Variants in CCDC88A observed in about 807,000 individuals in gnomAD.
CCDC88A encodes girdin.
A neutral mutation model predicts 234.3 loss-of-function variants in CCDC88A; 54 were observed. The ratio of observed to expected loss-of-function variants is 0.23; its 90% CI spans 0.19 to 0.29. The LOEUF is 0.29. Among genes scored for constraint, CCDC88A ranks in the 10% least tolerant of loss-of-function variants. The pLI is 1.00. For missense variants in CCDC88A, 1,832 were observed against 2,123.4 expected (o/e 0.86, Z 2.70); for synonymous variants, 753 against 737.8 (o/e 1.02, Z -0.33).
At position 55,384,324 on chromosome 2, in the gene CCDC88A, C is replaced by CAA. The variant is rs112541690; in HGVS notation, c.273+4452_273+4453dup. 7.4e-4 allele frequency among the ~76,000 whole-genome samples: 98 copies of CAA among 133,210 alleles called. 1 individual carries two copies. The highest frequency in any genetic ancestry group is 1.2e-3 in the South Asian group (5 of 4,304). The allele number at this position is 133,210 out of a possible 152,430, so 87.4% of individuals were successfully genotyped here. A position where few individuals can be genotyped will look rare whatever the true frequency, so the allele number is the denominator to read the frequency against. On this transcript the variant is annotated intron_variant, in intron 3 of 32. Transcript: ENST00000436346. ...TGGGTGACAGAGCAAAACTCCATCT[C>CAA]AAAAAAAAAAAAAATCCAGAAGTGT...
At chr2:55,401,751 C>T (rs2104946046) in intron 2 of CCDC88A, among the ~76,000 whole-genome samples, 1 of 151,780 alleles carries the variant, frequency 6.6e-6, no homozygotes, top group East Asian at 1.9e-4. Flanking sequence ...CACAGCCTTT[C>T]ATGTTTTTGT....
chr2:55,377,451 C>T (rs954519395), intron 3 of CCDC88A, among the ~76,000 whole-genome samples: 2 of 143,514 alleles, frequency 1.4e-5, no homozygotes, highest in African/African-American at 5.2e-5. Flanking sequence ...GGCCACCGTG[C>T]CCAGCGAGAT....
intron 23 of CCDC88A, among the ~76,000 whole-genome samples, chr2:55,310,046 G>C (rs1345260827): frequency 6.6e-6 from 1 of 152,136 alleles, no homozygotes; most frequent in East Asian, 1.9e-4. Flanking sequence ...GCCATTATTA[G>C]ATAGGCTGAA....
In CCDC88A at chr2:55,302,742, C is replaced by A. The variant is rs1450878586; in HGVS notation, c.4471+327G>T. 3 of 172,666 alleles carry A rather than the reference C, an allele frequency of 1.7e-5. No homozygotes were observed. In the East Asian group the frequency reaches 4.4e-4, roughly 26 times the overall value. The allele number at this position is 172,666 out of a possible 1,614,324, so 10.7% of individuals were successfully genotyped here. On this transcript the variant is annotated intron_variant, in intron 26 of 32. Transcript: ENST00000436346. ...CTAATGCTAAACATTTTGTTATATT[C>A]TTCTTAAGTAAACTTCTTTGGGAAA...
At chr2:55,294,091 A>G (rs977087382) in intron 31 of CCDC88A, 1 of 218,514 alleles carries the variant, frequency 4.6e-6, no homozygotes, top group Non-Finnish European at 7.7e-6. Flanking sequence ...TAATAGATTA[A>G]TTATAGAAGT....
intron 8 of CCDC88A, among the ~76,000 whole-genome samples, chr2:55,354,086 A>G (rs906378112): frequency 1.3e-5 from 2 of 152,192 alleles, no homozygotes; most frequent in Admixed American, 6.5e-5. Context: ...GTTTTTAAAC[A>G]TATCTAAACA....
chr2:55,355,617 T>C lies in CCDC88A; in HGVS notation c.762A>G (p.Ala254=). ...GCCTTCTTATCTTGGCTTTAGCATC[T>C]GCCAGTTCCACCGACAGATGTTGTC... is the stretch of plus-strand genomic sequence containing the variant. ...ESRQHLSVEL[A]DAKAKIRRLR... The change falls in exon 8 of 33, where the codon GCA becomes GCG. Residue 254 remains alanine, a synonymous_variant. Coordinates refer to ENST00000436346, the MANE Select transcript of CCDC88A (RefSeq NM_001365480.1). 13 of 1,614,172 alleles carry C rather than the reference T, an allele frequency of 8.1e-6. No homozygotes were observed. Among genetic ancestry groups the C allele is most frequent in the Non-Finnish European group, 1.1e-5 (13 of 1,179,994 alleles).
chr2:55,363,771 G>C, intron 6 of CCDC88A, 179 bp downstream of exon 6: 1 of 475,822 alleles, frequency 2.1e-6, no homozygotes. Flanking sequence ...GTAGTTAACA[G>C]TGTGCCAAGT....
At chr2:55,301,346 C>G in intron 27 of CCDC88A, 69 bp from the exon 28 acceptor site, 1 of 794,506 alleles carries the variant, frequency 1.3e-6, no homozygotes, top group Non-Finnish European at 2.0e-6. Flanking sequence ...ATTTTATTTA[C>G]ATAGAATATG....
rs983367737 is a variant in CCDC88A at position 55,289,789 on chromosome 2, G to A, written c.*1411C>T. The A allele has an allele frequency of 6.6e-6, 1 of 151,870 alleles. No individual in the cohort carries two copies. The highest frequency in any genetic ancestry group is 2.4e-5 in the African/African-American group (1 of 41,360). 9.4% of individuals were successfully genotyped at this position (151,870 alleles called of 1,614,324 possible). ...AGGGAGAGAGAAAGAGAGAGAGAGA[G>A]AGAGAGAGAGAGAGACTTTTCTTAT... On this transcript the variant is annotated 3_prime_UTR_variant, in exon 33 of 33. Transcript: ENST00000436346.
chr2:55,306,782 G>T (rs898409591), intron 25 of CCDC88A, among the ~76,000 whole-genome samples: 6 of 152,004 alleles, frequency 3.9e-5, no homozygotes, highest in African/African-American at 1.5e-4. Context: ...CACCATGTTG[G>T]CCAGACTGGT....
chr2:55,317,285 G>T lies in CCDC88A; in HGVS notation c.3667C>A (p.Gln1223Lys). The T allele has an allele frequency of 6.4e-7, 1 of 1,552,176 alleles. No homozygotes were observed. The highest frequency in any genetic ancestry group is 8.7e-7 in the Non-Finnish European group (1 of 1,145,270). The change falls in exon 21 of 33, where the codon CAG becomes AAG. Residue 1223 changes from glutamine to lysine, a missense_variant. Physicochemically the swap from Gln to Lys is moderately conservative, Grantham distance 53. Transcript: ENST00000436346. The surrounding 1 kb of genome is among the most constrained non-coding windows in gnomAD (Gnocchi z 4.2). Reference sequence around the variant, plus strand: ...TTATTTTCAAGCAGCATTTTTTCCTGTTCTACTTTGAGCATTTTTTCCAAA... The same window carrying T: ...TTATTTTCAAGCAGCATTTTTTCCTTTTCTACTTTGAGCATTTTTTCCAAA... ...EDLEKMLKVE[Q>K]EKMLLENKNH...
intron 13 of CCDC88A, among the ~76,000 whole-genome samples, chr2:55,337,990 T>C (rs915905807): frequency 3.3e-5 from 5 of 152,210 alleles, no homozygotes; most frequent in Admixed American, 1.3e-4. Flanking sequence ...TCACATTACA[T>C]AGATGGAAAT....
rs114731908 is a variant in CCDC88A, at chr2:55,295,828, T to C, written c.5320A>G (p.Thr1774Ala). 8.3e-4 allele frequency: 1,343 copies of C among 1,614,098 alleles called. 15 individuals carry two copies. The African/African-American group carries it at 0.017, about 20-fold the overall frequency. ...TTTATTTTTCCTTGAGTGCCTGGTG[T>C]AGGTTTTCCCGCAGAACTAATGAAG... is the stretch of plus-strand genomic sequence containing the variant. ...TYFISSAGKP[T>A]PGTQGKIKLV... Residue 1774 changes from threonine to alanine, a missense_variant, in exon 31 of 33, where the codon ACA becomes GCA. Coordinates refer to ENST00000436346, the MANE Select transcript of CCDC88A (RefSeq NM_001365480.1).
chr2:55,400,234 C>A (rs1394299110), intron 2 of CCDC88A, among the ~76,000 whole-genome samples: 1 of 152,066 alleles, frequency 6.6e-6, no homozygotes, highest in Non-Finnish European at 1.5e-5. Flanking sequence ...AAGAATGTAT[C>A]TTTGGAAAGG....
chr2:55,415,065 C>CA (rs34977470), intron 2 of CCDC88A, among the ~76,000 whole-genome samples: 72,891 of 122,832 alleles, frequency 0.59, 20,579 homozygotes, highest in Admixed American at 0.67. Context: ...GACTCTGTTT[C>CA]AAAAAAAAAA....
At chr2:55,366,295 G>A (rs1383821623) in intron 5 of CCDC88A, among the ~76,000 whole-genome samples, 1 of 152,148 alleles carries the variant, frequency 6.6e-6, no homozygotes, top group African/African-American at 2.4e-5. Flanking sequence ...GGAGGCTGAG[G>A]CAGCTGGATC....
intron 3 of CCDC88A, among the ~76,000 whole-genome samples, chr2:55,375,476 T>A (rs1394194383): frequency 2.2e-4 from 2 of 9,194 alleles, no homozygotes; most frequent in African/African-American, 4.2e-4. Context: ...GTACTATATA[T>A]ATATATATAT....
chr2:55,389,857 A>G (rs1005199887), intron 2 of CCDC88A, among the ~76,000 whole-genome samples: 1 of 151,876 alleles, frequency 6.6e-6, no homozygotes, highest in East Asian at 1.9e-4. Flanking sequence ...CCTGGCCAAC[A>G]TGGTGAAACC....
Sources: gnomAD v4.1 joint callset for allele counts (sites outside exome capture counted in the v4.1 genomes callset) on GRCh38, gnomAD v4.1.1 for gene constraint, Gnocchi (gnomAD v3.1) non-coding constraint, MANE v1.5 for transcripts, NCBI Gene and HGNC (gene_info 2026-07-23, HGNC 2026-07-21) for gene names.